The following TANC2 variants were observed in gnomAD, a reference collection of about 807,000 sequenced individuals.
The protein encoded by TANC2 is protein TANC2.
A neutral mutation model predicts 210.5 loss-of-function variants in TANC2; 26 were observed. The observed-to-expected ratio is 0.12, with a 90% CI of 0.09 to 0.17. The LOEUF is 0.17. Among genes scored for constraint, TANC2 ranks in the 10% least tolerant of loss-of-function variants. TANC2 has a pLI of 1.00. For synonymous variants in TANC2, 931 were observed against 967.1 expected (o/e 0.96, Z 0.69); for missense variants, 2,129 against 2,608.9 (o/e 0.82, Z 4.01).
intron 9 of TANC2, among the ~76,000 whole-genome samples, chr17:63,268,843 T>C (rs1039635390): frequency 3.3e-5 from 5 of 152,212 alleles, no homozygotes; most frequent in Admixed American, 6.5e-5. Flanking sequence ...GAGCCTCTTA[T>C]TGGTATTTCT....
At chr17:63,014,113 T>C (rs1355034590) in intron 2 of TANC2, among the ~76,000 whole-genome samples, 2 of 152,152 alleles carry the variant, frequency 1.3e-5, no homozygotes, top group African/African-American at 2.4e-5. Flanking sequence ...AATTCACTGA[T>C]TTTTTTCTTT....
intron 7 of TANC2, among the ~76,000 whole-genome samples, chr17:63,211,601 A>G (rs949912240): frequency 1.3e-5 from 2 of 152,064 alleles, no homozygotes; most frequent in Non-Finnish European, 2.9e-5. Flanking sequence ...GCTATTCAGG[A>G]CATATTATTA....
intron 1 of TANC2, among the ~76,000 whole-genome samples, chr17:63,006,495 TG>T: frequency 6.6e-6 from 1 of 152,316 alleles, no homozygotes; most frequent in Middle Eastern, 3.4e-3. Context: ...AAATACCTGT[TG>T]TGATTTATTT....
At chr17:63,414,488 T>G (rs2048800012) in intron 25 of TANC2, among the ~76,000 whole-genome samples, 1 of 152,214 alleles carries the variant, frequency 6.6e-6, no homozygotes, top group African/African-American at 2.4e-5. Context: ...TTTACGTGAC[T>G]TCATAGAAGG....
At chr17:63,252,755 G>A (rs1453879699) in intron 8 of TANC2, among the ~76,000 whole-genome samples, 2 of 151,994 alleles carry the variant, frequency 1.3e-5, no homozygotes, top group Non-Finnish European at 2.9e-5. Flanking sequence ...GTACTTCATT[G>A]TGTGTATGTA....
chr17:63,398,233 C>G (rs1014480016), intron 18 of TANC2, among the ~76,000 whole-genome samples: 1 of 152,052 alleles, frequency 6.6e-6, no homozygotes, highest in East Asian at 1.9e-4. Context: ...TCACTTGAGG[C>G]CAGGAGTTCA....
Position 63,123,388 on chromosome 17 carries a change from T to G in TANC2, c.322+24031T>G, listed in dbSNP as rs532452499. Among the ~76,000 whole-genome samples, 503 of 151,874 alleles carry G rather than the reference T, an allele frequency of 3.3e-3. 3 individuals carry two copies. The highest frequency in any genetic ancestry group is 0.011 in the South Asian group (53 of 4,808). On this transcript the variant is annotated intron_variant, in intron 4 of 27. Coordinates refer to ENST00000689528, the Ensembl canonical transcript of TANC2. ...CTGGCTGGCGCAGTGGAATCCTGTC[T>G]CTACTAAAAATACAAAAAAAATTAG...
chr17:63,317,739 A>G (rs907529474), intron 10 of TANC2, among the ~76,000 whole-genome samples: 4 of 152,208 alleles, frequency 2.6e-5, no homozygotes, highest in South Asian at 2.1e-4. Flanking sequence ...CACATTGACT[A>G]TTGCCTACCT....
intron 4 of TANC2, among the ~76,000 whole-genome samples, chr17:63,101,704 A>G (rs2037627409): frequency 6.6e-6 from 1 of 152,216 alleles, no homozygotes; most frequent in African/African-American, 2.4e-5. Flanking sequence ...GTAAATAAAT[A>G]CTTGAATTTT....
chr17:62,981,367 C>G (rs1415792801), intron 1 of TANC2, among the ~76,000 whole-genome samples: 3 of 152,116 alleles, frequency 2.0e-5, no homozygotes, highest in African/African-American at 4.8e-5. Context: ...ACCTACCCCC[C>G]CTCACCTTCT....
chr17:63,096,492 G>GAT (rs2037391834), intron 3 of TANC2, among the ~76,000 whole-genome samples: 2 of 152,124 alleles, frequency 1.3e-5, no homozygotes, highest in African/African-American at 4.8e-5. Context: ...CATATAAGTG[G>GAT]AATAATACAA....
chr17:63,250,815 C>T (rs192573864), intron 8 of TANC2, among the ~76,000 whole-genome samples: 12 of 151,976 alleles, frequency 7.9e-5, no homozygotes, highest in Admixed American at 7.9e-4. Flanking sequence ...GTTACCCAGG[C>T]TGGTAATTTA....
intron 21 of TANC2, among the ~76,000 whole-genome samples, chr17:63,410,426 CT>C (rs757885491): frequency 1.4e-5 from 2 of 147,038 alleles, no homozygotes; most frequent in Non-Finnish European, 3.0e-5. Flanking sequence ...CTCTAGATTT[CT>C]TTCTTGTCCT....
At chr17:63,101,609 T>C (rs1010726957) in intron 4 of TANC2, among the ~76,000 whole-genome samples, 1 of 152,182 alleles carries the variant, frequency 6.6e-6, no homozygotes, top group Non-Finnish European at 1.5e-5. Flanking sequence ...CTAGATATGA[T>C]AGAGTGGTGA....
Position 63,253,141 on chromosome 17 carries a change from G to T in TANC2, c.1034-14607G>T, listed in dbSNP as rs188913479. 5.2e-3 allele frequency among the ~76,000 whole-genome samples: 793 copies of T among 152,158 alleles called. 2 individuals carry two copies. The highest frequency in any genetic ancestry group is 0.016 in the South Asian group (79 of 4,806). On this transcript the variant is annotated intron_variant, in intron 8 of 27. Coordinates refer to ENST00000689528, the Ensembl canonical transcript of TANC2. ...CAGCATTCATTATTGCTTGTCTCTT[G>T]GATAAAAGCCATTTGATAATATCTC... is the stretch of plus-strand genomic sequence containing the variant.
At chr17:63,122,662 G>C (rs747657434) in intron 4 of TANC2, among the ~76,000 whole-genome samples, 1 of 151,312 alleles carries the variant, frequency 6.6e-6, no homozygotes, top group Admixed American at 6.6e-5. Context: ...AACCTGGGAG[G>C]TAGAGGTTAT....
At chr17:63,281,245 T>C (rs952942281) in intron 9 of TANC2, among the ~76,000 whole-genome samples, 1 of 152,136 alleles carries the variant, frequency 6.6e-6, no homozygotes, top group African/African-American at 2.4e-5. Context: ...AATCTGTGGA[T>C]GGCTTCAGGT....
intron 1 of TANC2, among the ~76,000 whole-genome samples, chr17:62,992,183 G>A (rs563071585): frequency 4.6e-5 from 7 of 152,294 alleles, no homozygotes; most frequent in African/African-American, 1.4e-4. Flanking sequence ...CATAGGGTGA[G>A]TGTATGGGGC....
At chr17:63,351,545 G>A (rs2046609436) in intron 13 of TANC2, 129 bp downstream of exon 13, 1 of 656,488 alleles carries the variant, frequency 1.5e-6, no homozygotes, top group Non-Finnish European at 2.3e-6. Flanking sequence ...AATTCCCGAA[G>A]AATTAATCTA....
Sources: allele counts gnomAD v4.1 joint callset (sites outside exome capture counted in the v4.1 genomes callset), GRCh38; gene constraint gnomAD v4.1.1; transcripts MANE v1.5; gene names NCBI Gene and HGNC (gene_info 2026-07-23, HGNC 2026-07-21).